The following STYX variants were observed in gnomAD, a reference collection of about 807,000 sequenced individuals.
The protein encoded by STYX is serine/threonine/tyrosine-interacting protein.
A neutral mutation model predicts 42.7 loss-of-function variants in STYX; 20 were observed. The observed-to-expected ratio is 0.47, with a 90% CI of 0.33 to 0.68. The LOEUF (loss-of-function observed/expected upper bound fraction) is 0.68. Among genes scored for constraint, STYX ranks in the 30% least tolerant of loss-of-function variants. STYX has a pLI of 0.02. For missense variants in STYX, 226 were observed against 268.5 expected, an observed-to-expected ratio of 0.84 and a Z score of 1.11; for synonymous variants, 78 against 81.9, an observed-to-expected ratio of 0.95 and a Z score of 0.26.
chr14:52,770,209 C>G (rs532160316), intron 10 of STYX, among the ~76,000 whole-genome samples: 20 of 152,222 alleles, frequency 1.3e-4, no homozygotes, highest in African/African-American at 4.8e-4. Context: ...GATATTTTAT[C>G]TCATTCAATT....
Position 52,744,815 on chromosome 14 carries a change from A to G in STYX, c.58-37A>G, listed in dbSNP as rs1881330505. 4 of 1,606,214 alleles carry G rather than the reference A, an allele frequency of 2.5e-6. No homozygotes were observed. In the Admixed American group the frequency reaches 5.0e-5, roughly 20 times the overall value. ...AGCCTTTAATTGGGTGACTTTTTAA[A>G]TGTTATCTACTTTTATTCTTATGTT... On this transcript the variant is annotated intron_variant, in intron 1 of 10. Transcript: ENST00000354586.
intron 3 of STYX, among the ~76,000 whole-genome samples, chr14:52,747,560 G>A (rs755527674): frequency 1.4e-4 from 21 of 152,152 alleles, no homozygotes; most frequent in African/African-American, 2.4e-4. Context: ...AGACATAGCC[G>A]TAATTTATTT....
intron 5 of STYX, among the ~76,000 whole-genome samples, chr14:52,756,839 C>T (rs1881889886): frequency 1.3e-5 from 2 of 151,900 alleles, no homozygotes; most frequent in Non-Finnish European, 1.5e-5. Flanking sequence ...AGGCATGAGC[C>T]GCCATGCCCA....
At chr14:52,752,749 G>A (rs1021814877) in intron 4 of STYX, among the ~76,000 whole-genome samples, 2 of 151,832 alleles carry the variant, frequency 1.3e-5, no homozygotes, top group African/African-American at 4.8e-5. Flanking sequence ...CTTAATATAT[G>A]CATAGAAAAT....
intron 6 of STYX, 83 bp downstream of exon 6, chr14:52,757,438 G>A (rs1566677214): frequency 8.8e-6 from 11 of 1,251,036 alleles, no homozygotes; most frequent in Admixed American, 3.9e-5. Context: ...CTTAAATGCA[G>A]GATATGGAAG....
At chr14:52,757,813 T>C in intron 7 of STYX, 31 bp downstream of exon 7, 1 of 1,612,824 alleles carries the variant, frequency 6.2e-7, no homozygotes, top group Non-Finnish European at 8.5e-7. Context: ...TTTCTTTCTA[T>C]AACATTTAAT....
intron 9 of STYX, among the ~76,000 whole-genome samples, chr14:52,765,404 A>T (rs1050509727): frequency 5.3e-5 from 8 of 152,130 alleles, no homozygotes; most frequent in Non-Finnish European, 1.2e-4. Flanking sequence ...TTTAGAAGAG[A>T]TGGAATTTCA....
At chr14:52,762,950 T>A (rs1371798493) in intron 9 of STYX, among the ~76,000 whole-genome samples, 3 of 138,732 alleles carry the variant, frequency 2.2e-5, no homozygotes. Flanking sequence ...TGGACTGCAG[T>A]GGTGCAATCT....
chr14:52,744,924 T>C, intron 2 of STYX, 40 bp downstream of exon 2: 3 of 1,600,412 alleles, frequency 1.9e-6, no homozygotes, highest in Non-Finnish European at 2.6e-6. Context: ...ACCCATGTTA[T>C]TATCATAATA....
rs926353291 is a variant in STYX, at chr14:52,748,129, C to T, written c.144+1650C>T. On this transcript the variant is annotated intron_variant, in intron 3 of 10. Coordinates refer to ENST00000354586, the MANE Select transcript of STYX (RefSeq NM_145251.4). ...CACCCTAGGTAACCATAATATAGCC[C>T]ATATTTCTTTTCATACCATTATCTA... 2.6e-5 allele frequency among the ~76,000 whole-genome samples: 4 copies of T among 152,124 alleles called. No homozygotes were observed. In the East Asian group the frequency reaches 7.7e-4, roughly 29 times the overall value.
At chr14:52,756,892 G>A (rs765796022) in intron 5 of STYX, among the ~76,000 whole-genome samples, 2 of 151,912 alleles carry the variant, frequency 1.3e-5, no homozygotes, top group Non-Finnish European at 2.9e-5. Flanking sequence ...TCTCCATGTT[G>A]ATCAGGCTGG....
At position 52,759,828 on chromosome 14, in the gene STYX, A is replaced by G. The variant is rs372503474; in HGVS notation, c.504+74A>G. Reference sequence around the variant, plus strand: ...TTTATACATGTAATTTAGGTGTACAATTTACTTTGTGAATACTTAAAATTG... The same window carrying G: ...TTTATACATGTAATTTAGGTGTACAGTTTACTTTGTGAATACTTAAAATTG... On this transcript the variant is annotated intron_variant, in intron 9 of 10. Coordinates refer to ENST00000354586, the MANE Select transcript of STYX (RefSeq NM_145251.4). The G allele has an allele frequency of 1.5e-3, 1,443 of 969,720 alleles. 4 individuals are homozygous for G. The highest frequency in any genetic ancestry group is 5.4e-3 in the African/African-American group (329 of 60,842). 60.1% of individuals were successfully genotyped at this position (969,720 alleles called of 1,614,324 possible).
chr14:52,774,770 A>G lies in STYX; in HGVS notation c.*3664A>G, dbSNP rs1286024668. 1 of 152,096 alleles carries G rather than the reference A, an allele frequency of 6.6e-6. No individual in the cohort carries two copies. The highest frequency in any genetic ancestry group is 1.5e-5 in the Non-Finnish European group (1 of 68,020). The allele number at this position is 152,096 out of a possible 1,614,324, so 9.4% of individuals were successfully genotyped here. On this transcript the variant is annotated 3_prime_UTR_variant, in exon 11 of 11. Transcript: ENST00000354586. The stretch of plus-strand genomic sequence containing the variant: ...GTAATTGCAATTTACTATGCAGCAA[A>G]AATGATTCAAGAAGAAAAATAACCT...
chr14:52,755,121 G>GTTTTTTTTTTTTTTTTTTTTTTGT (rs537098365), intron 4 of STYX, among the ~76,000 whole-genome samples: 1 of 139,308 alleles, frequency 7.2e-6, no homozygotes, highest in Non-Finnish European at 1.5e-5. Context: ...TTGTTTTTTT[G>GTTTTTTTTTTTTTTTTTTTTTTGT]TTTTTTTTTT....
intron 1 of STYX, 123 bp from the exon 2 acceptor site, chr14:52,744,729 A>T: frequency 1.2e-6 from 1 of 869,064 alleles, no homozygotes; most frequent in Non-Finnish European, 1.8e-6. Context: ...CTATTTTAAT[A>T]AAATGTTCTT....
intron 1 of STYX, among the ~76,000 whole-genome samples, chr14:52,734,898 T>TA (rs1035063112): frequency 2.0e-5 from 3 of 151,010 alleles, no homozygotes; most frequent in African/African-American, 4.9e-5. Context: ...CGTCTCTACT[T>TA]AAAAAAAAAT....
In STYX at chr14:52,771,060, A is replaced by G. The variant is rs1882490721; in HGVS notation, c.626A>G (p.Glu209Gly). The stretch of plus-strand genomic sequence containing the variant: ...AGTTTGAAGAGAACACATGAAGAAG[A>G]GGATGATTTTGGAACCATGCAAGTG... ...TGSLKRTHEEEDDFGTMQVAT... is the reference protein window; with the variant it reads ...TGSLKRTHEEGDDFGTMQVAT... Residue 209 changes from glutamate to glycine, a missense_variant, in exon 11 of 11, where the codon GAG becomes GGG. By Grantham distance (98) the Glu-to-Gly change is moderately conservative. Transcript: ENST00000354586. The G allele has an allele frequency of 1.2e-6, 2 of 1,613,110 alleles. No individual in the cohort carries two copies. Among genetic ancestry groups the G allele is most frequent in the Non-Finnish European group, 1.7e-6 (2 of 1,179,254 alleles).
At position 52,759,686 on chromosome 14, in the gene STYX, G is replaced by T; in HGVS notation, c.436G>T (p.Ala146Ser). 1 of 1,601,148 alleles carries T rather than the reference G, an allele frequency of 6.2e-7. No homozygotes were observed. The highest frequency in any genetic ancestry group is 1.3e-5 in the African/African-American group (1 of 74,622). ...METFGMKYRDAFAYVQERRFC... is the reference protein window; with the variant it reads ...METFGMKYRDSFAYVQERRFC... ...ACACTCTTTTTCTGTTTTCAGAGATGCTTTTGCTTATGTTCAAGAAAGAAG... is the reference window on the plus strand; with the variant it reads ...ACACTCTTTTTCTGTTTTCAGAGATTCTTTTGCTTATGTTCAAGAAAGAAG... The change falls in exon 9 of 11, where the codon GCT becomes TCT. Residue 146 changes from alanine to serine, a missense_variant. Physicochemically the swap from Ala to Ser is moderately conservative, Grantham distance 99 (BLOSUM62 1). Coordinates refer to ENST00000354586, the MANE Select transcript of STYX (RefSeq NM_145251.4).
intron 1 of STYX, among the ~76,000 whole-genome samples, chr14:52,734,139 T>G (rs1330011562): frequency 6.6e-6 from 1 of 152,232 alleles, no homozygotes; most frequent in Non-Finnish European, 1.5e-5. Context: ...GTCTGATTTG[T>G]TGAGGACAGC....
Sources: allele counts gnomAD v4.1 joint callset (sites outside exome capture counted in the v4.1 genomes callset), GRCh38; gene constraint gnomAD v4.1.1; transcripts MANE v1.5; gene names NCBI Gene and HGNC (gene_info 2026-07-23, HGNC 2026-07-21).